DSE: variants seen among roughly 807,000 people sequenced by gnomAD.
DSE encodes the protein dermatan sulfate epimerase, also known as dermatan-sulfate epimerase.
A neutral mutation model predicts 84.4 loss-of-function variants in DSE; 36 were observed. The observed-to-expected ratio is 0.43, with a 90% confidence interval of 0.33 to 0.56. The LOEUF (loss-of-function observed/expected upper bound fraction) is 0.56, where lower values mean the gene tolerates loss of function less well. Ranked by LOEUF, DSE falls within the 20% of genes least tolerant of loss-of-function variation. DSE has a pLI of 0.06. For synonymous variants in DSE, 410 were observed against 430.1 expected, an observed-to-expected ratio of 0.95 and a Z score of 0.58; for missense variants, 862 against 1,169.6, an observed-to-expected ratio of 0.74 and a Z score of 3.84.
chr6:116,258,762 G>T lies in DSE; in HGVS notation c.-259G>T, dbSNP rs765928817. The T allele has an allele frequency of 1.4e-5, 22 of 1,609,648 alleles. No individual in the cohort carries two copies. In the South Asian group the frequency reaches 2.2e-4, roughly 16 times the overall value. On this transcript the variant is annotated 5_prime_UTR_variant, in exon 2 of 4. Coordinates refer to the DSE transcript ENST00000430252. ...GTGTGGAGTCCTCCCGGGGACCACT[G>T]TTGATGATGGCGTTCACCAGGACCT...
intron 2 of DSE, among the ~76,000 whole-genome samples, chr6:116,300,281 G>C (rs1333808040): frequency 6.6e-6 from 1 of 152,128 alleles, no homozygotes; most frequent in East Asian, 1.9e-4. Context: ...TACATTTTAG[G>C]TGATTGTTAC....
intron 2 of DSE, among the ~76,000 whole-genome samples, chr6:116,294,791 G>T (rs1774552343): frequency 6.6e-6 from 1 of 152,108 alleles, no homozygotes. Flanking sequence ...AAAAAGAGGA[G>T]ATGTGAATAA....
At chr6:116,319,631 G>T (rs1314040888) in intron 2 of DSE, among the ~76,000 whole-genome samples, 1 of 152,138 alleles carries the variant, frequency 6.6e-6, no homozygotes, top group African/African-American at 2.4e-5. Flanking sequence ...ATGAGAATCT[G>T]GTCATATCCT....
intron 2 of DSE, among the ~76,000 whole-genome samples, chr6:116,357,539 A>C (rs965352437): frequency 1.3e-5 from 2 of 152,188 alleles, no homozygotes; most frequent in Non-Finnish European, 2.9e-5. Flanking sequence ...CTCAAAAAAA[A>C]AAAAAAGTTA....
intron 1 of DSE, among the ~76,000 whole-genome samples, chr6:116,374,729 A>G (rs1779817130): frequency 6.6e-6 from 1 of 152,132 alleles, no homozygotes; most frequent in African/African-American, 2.4e-5. Context: ...GGAGTTGTTC[A>G]TGCTAGCTCA....
chr6:116,381,511 C>A (rs1003058271), intron 1 of DSE, among the ~76,000 whole-genome samples: 1 of 152,096 alleles, frequency 6.6e-6, no homozygotes, highest in African/African-American at 2.4e-5. Flanking sequence ...AGACTGCCTG[C>A]ATTTATGTCT....
At chr6:116,261,916 GAACC>G (rs2114598568) in intron 2 of DSE, among the ~76,000 whole-genome samples, 1 of 152,270 alleles carries the variant, frequency 6.6e-6, no homozygotes, top group South Asian at 2.1e-4. Flanking sequence ...TGTGTTTGTT[GAACC>G]AACCTTACAT....
At chr6:116,433,321 T>A in intron 4 of DSE, 22 bp from the exon 5 acceptor site, 1 of 1,548,970 alleles carries the variant, frequency 6.5e-7, no homozygotes, top group Non-Finnish European at 8.7e-7. Context: ...GTATCTTAAT[T>A]CTTTCCAACT....
intron 2 of DSE, among the ~76,000 whole-genome samples, chr6:116,301,444 T>G (rs1230876012): frequency 6.6e-6 from 1 of 152,156 alleles, no homozygotes; most frequent in Non-Finnish European, 1.5e-5. Context: ...CTGTATTATC[T>G]CTTCTATTAG....
chr6:116,395,826 A>C (rs1466183961), intron 1 of DSE, among the ~76,000 whole-genome samples: 4 of 152,230 alleles, frequency 2.6e-5, no homozygotes, highest in African/African-American at 9.6e-5. Flanking sequence ...AAACTCAATG[A>C]CTGGAAATAG....
intron 2 of DSE, chr6:116,278,792 G>A (rs1300109828): frequency 6.2e-7 from 1 of 1,614,108 alleles, no homozygotes; most frequent in Non-Finnish European, 8.5e-7. Context: ...GACACCACTC[G>A]GCCGGAGGAT....
intron 2 of DSE, among the ~76,000 whole-genome samples, chr6:116,347,375 A>G (rs542646887): frequency 6.6e-5 from 10 of 152,330 alleles, no homozygotes; most frequent in African/African-American, 2.4e-4. Flanking sequence ...AAACTATACT[A>G]CAAGGCTACA....
Position 116,325,838 on chromosome 6 carries a change from T to G in DSE, c.-54+66871T>G, listed in dbSNP as rs193143605. 5.9e-3 allele frequency among the ~76,000 whole-genome samples: 905 copies of G among 152,282 alleles called. 10 individuals are homozygous for G. The highest frequency in any genetic ancestry group is 0.02 in the African/African-American group (847 of 41,560). ...GTTCAGCCGGGGGCATCGGCAAGAC[T>G]CCTGTCTCAAGAGCCGAGCTCCCTG... On this transcript the variant is annotated intron_variant, in intron 2 of 3. Transcript: ENST00000430252.
exon 2 of DSE, chr6:116,258,446 G>A (rs544025221): frequency 1.2e-6 from 1 of 828,480 alleles, no homozygotes; most frequent in Non-Finnish European, 2.1e-6. Flanking sequence ...TTTTTGGTAG[G>A]GCTGCCCTGA....
chr6:116,307,072 A>C (rs556607468), intron 2 of DSE, among the ~76,000 whole-genome samples: 4 of 152,252 alleles, frequency 2.6e-5, no homozygotes, highest in African/African-American at 4.8e-5. Flanking sequence ...AAAATATAGC[A>C]GTTAGAACTC....
rs201749892 is a variant in DSE, at chr6:116,269,029, AG to A, written c.-54+10063del. ...CTGTGATAATACTTTAAAAAAAAAA[AG>A]AAAAAAAAAAACCTCATATGCTCCT... is the stretch of plus-strand genomic sequence containing the variant. On this transcript the variant is annotated intron_variant, in intron 2 of 3. Coordinates refer to the DSE transcript ENST00000430252. Among the ~76,000 whole-genome samples the A allele has an allele frequency of 6.5e-4, 96 of 147,684 alleles. 1 individual carries two copies. In the South Asian group the frequency reaches 8.0e-3, roughly 12 times the overall value.
intron 2 of DSE, chr6:116,401,161 G>C (rs1316926747): frequency 6.6e-6 from 1 of 152,106 alleles, no homozygotes; most frequent in Non-Finnish European, 1.5e-5. Context: ...TACAAGACTA[G>C]TACAGTTTTC....
chr6:116,258,347 T>C (rs1772234477), intron 1 of DSE: 6 of 576,508 alleles, frequency 1.0e-5, no homozygotes, highest in African/African-American at 1.9e-5. Context: ...GCTTTATAAC[T>C]CCCTTTTCCT....
intron 2 of DSE, among the ~76,000 whole-genome samples, chr6:116,362,009 A>G (rs1778927155): frequency 6.6e-6 from 1 of 152,206 alleles, no homozygotes. Context: ...ATTAAAATAT[A>G]TACCGTTTTA....
Sources: allele counts gnomAD v4.1 joint callset (sites outside exome capture counted in the v4.1 genomes callset), GRCh38; gene constraint gnomAD v4.1.1; transcripts MANE v1.5; gene names NCBI Gene and HGNC (gene_info 2026-07-23, HGNC 2026-07-21).